DAPK1: variants seen among roughly 807,000 people sequenced by gnomAD.
The protein encoded by DAPK1 is death-associated protein kinase 1.
DAPK1 carries 56 observed loss-of-function variants against 144.9 expected under a neutral mutation model. The ratio of observed to expected loss-of-function variants is 0.39; its 90% CI spans 0.31 to 0.48. The LOEUF (loss-of-function observed/expected upper bound fraction) is 0.48, where lower values mean the gene tolerates loss of function less well. Ranked by LOEUF, DAPK1 falls within the 20% of genes least tolerant of loss-of-function variation. The pLI, the probability that DAPK1 is intolerant of heterozygous loss-of-function variation, is 0.95. For synonymous variants in DAPK1, 690 were observed against 749.0 expected, an observed-to-expected ratio of 0.92 and a Z score of 1.29; for missense variants, 1,454 against 1,875.4, an observed-to-expected ratio of 0.78 and a Z score of 4.15.
At chr9:87,608,846 C>G (rs538616635) in intron 3 of DAPK1, among the ~76,000 whole-genome samples, 159 of 152,270 alleles carry the variant, frequency 1.0e-3, no homozygotes, top group African/African-American at 3.6e-3. Context: ...ATTCTAGTGT[C>G]CCCTAGGAGC....
chr9:87,702,961 C>A, intron 24 of DAPK1, 68 bp from the exon 25 acceptor site: 1 of 729,696 alleles, frequency 1.4e-6, no homozygotes, highest in Non-Finnish European at 2.5e-6. Flanking sequence ...GTGTCCTTTC[C>A]ACTGTGGCTC....
At chr9:87,613,152 C>T (rs1285305300) in intron 3 of DAPK1, among the ~76,000 whole-genome samples, 3 of 152,064 alleles carry the variant, frequency 2.0e-5, no homozygotes, top group Non-Finnish European at 4.4e-5. Flanking sequence ...AAGTGCAGGG[C>T]GTGGAGTGAA....
chr9:87,619,362 G>A (rs961849589), intron 3 of DAPK1, among the ~76,000 whole-genome samples: 1 of 152,190 alleles, frequency 6.6e-6, no homozygotes, highest in African/African-American at 2.4e-5. Context: ...CAACCTTGTA[G>A]GAGAGGATGT....
At chr9:87,538,640 G>A (rs749662116) in intron 2 of DAPK1, among the ~76,000 whole-genome samples, 14 of 152,094 alleles carry the variant, frequency 9.2e-5, no homozygotes, top group South Asian at 2.1e-4. Flanking sequence ...AGTATTGATG[G>A]GAATGACTTT....
intron 3 of DAPK1, among the ~76,000 whole-genome samples, chr9:87,635,456 A>C (rs781161245): frequency 1.3e-5 from 2 of 152,158 alleles, no homozygotes; most frequent in Non-Finnish European, 2.9e-5. Flanking sequence ...GCGGCTGGGC[A>C]CCACATTCAC....
At chr9:87,621,024 G>T (rs1267571840) in intron 3 of DAPK1, among the ~76,000 whole-genome samples, 2 of 152,178 alleles carry the variant, frequency 1.3e-5, no homozygotes, top group Non-Finnish European at 2.9e-5. Context: ...GTTTCTCTGT[G>T]CCTGAGCACT....
At chr9:87,704,822 G>A (rs1177159036) in intron 25 of DAPK1, among the ~76,000 whole-genome samples, 2 of 152,186 alleles carry the variant, frequency 1.3e-5, no homozygotes, top group Non-Finnish European at 2.9e-5. Flanking sequence ...GGAAATTACT[G>A]TGTGGTCACC....
intron 2 of DAPK1, among the ~76,000 whole-genome samples, chr9:87,556,380 ACG>A (rs1563991622): frequency 2.0e-5 from 3 of 152,226 alleles, no homozygotes; most frequent in Admixed American, 6.5e-5. Context: ...GAGGGTGCCC[ACG>A]TGTGTGTACC....
In DAPK1 at chr9:87,650,114, A is replaced by G. The variant is rs1830395537; in HGVS notation, c.1622A>G (p.Asp541Gly). Residue 541 changes from aspartate to glycine, a missense_variant, in exon 16 of 26, where the codon GAC becomes GGC. Asp to Gly is a moderately conservative substitution (Grantham distance 94). Coordinates refer to ENST00000408954, the MANE Select transcript of DAPK1 (RefSeq NM_004938.4). ...CATGGAGCCGACCTTAATGCTTGCGACAAGGTGCCTTATGGGGGAAGACTC... is the reference window on the plus strand; with the variant it reads ...CATGGAGCCGACCTTAATGCTTGCGGCAAGGTGCCTTATGGGGGAAGACTC... ...AEHGADLNACDKDGHIALHLA... is the reference protein window; with the variant it reads ...AEHGADLNACGKDGHIALHLA... 4.3e-6 allele frequency: 7 copies of G among 1,614,028 alleles called. No homozygotes were observed. In the East Asian group the frequency reaches 1.6e-4, roughly 36 times the overall value.
chr9:87,554,634 T>G (rs1359640822), intron 2 of DAPK1, among the ~76,000 whole-genome samples: 1 of 152,140 alleles, frequency 6.6e-6, no homozygotes, highest in Non-Finnish European at 1.5e-5. Context: ...TGTAGATCCC[T>G]CGGCAGTAAT....
chr9:87,699,663 G>A (rs866677102), intron 23 of DAPK1, among the ~76,000 whole-genome samples: 3 of 152,122 alleles, frequency 2.0e-5, no homozygotes, highest in African/African-American at 7.2e-5. Context: ...TTTATCTATT[G>A]TCTTGAGACA....
intron 19 of DAPK1, among the ~76,000 whole-genome samples, chr9:87,670,202 C>T (rs1831208766): frequency 2.6e-5 from 4 of 151,886 alleles, no homozygotes; most frequent in Admixed American, 1.3e-4. Context: ...AGGGAGATCC[C>T]GTGAGTCGTG....
At chr9:87,599,368 C>T (rs1299011548) in intron 2 of DAPK1, among the ~76,000 whole-genome samples, 1 of 152,148 alleles carries the variant, frequency 6.6e-6, no homozygotes, top group Non-Finnish European at 1.5e-5. Context: ...ATCCTGGTTA[C>T]AGTTTCTTCA....
chr9:87,670,501 G>A lies in DAPK1; in HGVS notation c.2001+1827G>A, dbSNP rs570381766. Among the ~76,000 whole-genome samples the A allele has an allele frequency of 3.9e-5, 6 of 152,284 alleles. No homozygotes were observed. The South Asian group carries it at 8.3e-4, about 21-fold the overall frequency. On this transcript the variant is annotated intron_variant, in intron 19 of 25. Coordinates refer to ENST00000408954, the MANE Select transcript of DAPK1 (RefSeq NM_004938.4). ...TTAAGGAAGGCTGAAAGGCTTCTTC[G>A]ACAGGCCTCATAGCTTTACCGAGTG... is the stretch of plus-strand genomic sequence containing the variant.
intron 3 of DAPK1, among the ~76,000 whole-genome samples, chr9:87,636,230 C>T (rs1316386935): frequency 4.6e-5 from 7 of 152,222 alleles, no homozygotes; most frequent in Middle Eastern, 3.4e-3. Flanking sequence ...GGACACCTTT[C>T]GCTTGGACTC....
Position 87,706,697 on chromosome 9 carries a change from G to A in DAPK1, c.3626G>A (p.Cys1209Tyr), listed in dbSNP as rs1414302217. The A allele has an allele frequency of 6.2e-7, 1 of 1,611,942 alleles. No individual in the cohort carries two copies. The highest frequency in any genetic ancestry group is 8.5e-7 in the Non-Finnish European group (1 of 1,178,898). The change falls in exon 26 of 26, where the codon TGC becomes TAC. Residue 1209 changes from cysteine (C) to tyrosine (Y), a missense_variant. Coordinates refer to ENST00000408954, the MANE Select transcript of DAPK1 (RefSeq NM_004938.4). This position sits in a 1 kb window ranked among gnomAD's most constrained non-coding sequence, Gnocchi z 9.0. The stretch of plus-strand genomic sequence containing the variant: ...CTGGAGACGGAGAAGATCAAGTGCT[G>A]CCTGCTGCTGGACTCGGTGTGCAGC... ...RGLETEKIKC[C>Y]LLLDSVCSTI...
chr9:87,497,742 C>T (rs533245312), upstream of DAPK1: 2 of 292,208 alleles, frequency 6.8e-6, no homozygotes, highest in African/African-American at 4.4e-5. Context: ...GCGCAGAACC[C>T]GCAGCGCCGG....
At chr9:87,658,923 C>T (rs1042918078) in intron 18 of DAPK1, among the ~76,000 whole-genome samples, 1 of 152,236 alleles carries the variant, frequency 6.6e-6, no homozygotes, top group Non-Finnish European at 1.5e-5. Flanking sequence ...TCCTGGAGAT[C>T]ATCCAGAGGT....
At chr9:87,567,450 C>T (rs867314880) in intron 2 of DAPK1, among the ~76,000 whole-genome samples, 9 of 152,100 alleles carry the variant, frequency 5.9e-5, no homozygotes, top group Non-Finnish European at 1.0e-4. Context: ...CACCCTTCCT[C>T]GATGTCTTTC....
Sources: allele counts gnomAD v4.1 joint callset (sites outside exome capture counted in the v4.1 genomes callset), GRCh38; gene constraint gnomAD v4.1.1; non-coding constraint Gnocchi (gnomAD v3.1); transcripts MANE v1.5; gene names NCBI Gene and HGNC (gene_info 2026-07-23, HGNC 2026-07-21).